Variants in IL23R observed in about 807,000 individuals in gnomAD.
IL23R encodes interleukin-23 receptor.
A neutral mutation model predicts 56.9 loss-of-function variants in IL23R; 34 were observed. That is an observed-to-expected ratio of 0.60 (90% CI 0.45 to 0.80). The LOEUF (loss-of-function observed/expected upper bound fraction) is 0.80. Among genes scored for constraint, IL23R ranks in the 30% least tolerant of loss-of-function variants. The pLI, the probability that IL23R is intolerant of heterozygous loss-of-function variation, is 0.00. For synonymous variants in IL23R, 230 were observed against 249.2 expected, an observed-to-expected ratio of 0.92 and a Z score of 0.73; for missense variants, 635 against 730.0, an observed-to-expected ratio of 0.87 and a Z score of 1.50.
At chr1:67,250,634 G>A (rs903830609) in intron 9 of IL23R, among the ~76,000 whole-genome samples, 2 of 152,146 alleles carry the variant, frequency 1.3e-5, no homozygotes, top group African/African-American at 4.8e-5. Flanking sequence ...GATTACTAAA[G>A]TTACTTGAAC....
In IL23R at chr1:67,207,596, G is replaced by A. The variant is rs573235256; in HGVS notation, c.798+541G>A. 235 of 377,962 alleles carry A rather than the reference G, an allele frequency of 6.2e-4. 2 individuals carry two copies. The highest frequency in any genetic ancestry group is 4.9e-3 in the South Asian group (230 of 46,702). 23.4% of individuals were successfully genotyped at this position (377,962 alleles called of 1,614,324 possible). The stretch of plus-strand genomic sequence containing the variant: ...ACGAGATCTGATGCGTTTATCAGAG[G>A]TTTCCGCTTTTGCTTCTTCCTCATT... On this transcript the variant is annotated intron_variant, in intron 6 of 10. Transcript: ENST00000347310.
At chr1:67,203,951 C>T (rs11580078) in intron 5 of IL23R, among the ~76,000 whole-genome samples, 1 of 152,018 alleles carries the variant, frequency 6.6e-6, no homozygotes, top group South Asian at 2.1e-4. Context: ...TACTTCTCCC[C>T]ATTATATAAA....
intron 1 of IL23R, among the ~76,000 whole-genome samples, chr1:67,148,150 G>A (rs1646696261): frequency 6.6e-6 from 1 of 152,276 alleles, no homozygotes; most frequent in Admixed American, 6.5e-5. Context: ...GCGGCGATGG[G>A]CGCCTCGCTG....
At chr1:67,261,876 C>A (rs971800313), downstream of IL23R, among the ~76,000 whole-genome samples, 3 of 152,116 alleles carry the variant, frequency 2.0e-5, no homozygotes, top group Admixed American at 2.0e-4. Flanking sequence ...CCTTTTCGCC[C>A]CCTAGAGTGG....
At chr1:67,213,181 G>A (rs1649612576) in intron 6 of IL23R, among the ~76,000 whole-genome samples, 1 of 152,112 alleles carries the variant, frequency 6.6e-6, no homozygotes, top group African/African-American at 2.4e-5. Flanking sequence ...TCTTGAGCAT[G>A]TTTCTTATCT....
At chr1:67,194,963 TG>T (rs1648024731) in intron 4 of IL23R, among the ~76,000 whole-genome samples, 1 of 152,266 alleles carries the variant, frequency 6.6e-6, no homozygotes, top group African/African-American at 2.4e-5. Flanking sequence ...GAAATTTTAC[TG>T]GTAAGAAATA....
At chr1:67,223,424 A>C (rs1650427499) in intron 7 of IL23R, among the ~76,000 whole-genome samples, 1 of 152,180 alleles carries the variant, frequency 6.6e-6, no homozygotes, top group African/African-American at 2.4e-5. Context: ...GGATTTATTA[A>C]AGTTTAACAT....
intron 7 of IL23R, among the ~76,000 whole-genome samples, chr1:67,226,128 G>C (rs939359012): frequency 5.3e-5 from 8 of 152,210 alleles, no homozygotes; most frequent in African/African-American, 1.7e-4. Context: ...CGCAGGAGCT[G>C]GGGTGAGCAC....
intron 7 of IL23R, among the ~76,000 whole-genome samples, chr1:67,231,588 T>C (rs12070470): frequency 0.089 from 13,592 of 152,180 alleles, 717 homozygotes; most frequent in Non-Finnish European, 0.11. Context: ...CTGCAGTTGG[T>C]GTTTGAAACC....
intron 1 of IL23R, among the ~76,000 whole-genome samples, chr1:67,145,215 C>T (rs1293357899): frequency 6.6e-6 from 1 of 152,074 alleles, no homozygotes; most frequent in African/African-American, 2.4e-5. Context: ...GGCTTGGTGG[C>T]GGGCACCTGT....
At chr1:67,255,737 C>A (rs1303377907) in intron 9 of IL23R, 100 bp from the exon 10 acceptor site, 2 of 676,624 alleles carry the variant, frequency 3.0e-6, no homozygotes, top group Non-Finnish European at 5.4e-6. Flanking sequence ...CTGTGCCCGA[C>A]CTAGGAAATT....
chr1:67,165,533 T>A (rs1646864986), upstream of IL23R, among the ~76,000 whole-genome samples: 1 of 152,180 alleles, frequency 6.6e-6, no homozygotes, highest in South Asian at 2.1e-4. Flanking sequence ...TCATGAAGCG[T>A]TAGTCAAAAT....
chr1:67,171,217 A>G (rs1358748), intron 3 of IL23R, among the ~76,000 whole-genome samples: 127,397 of 152,118 alleles, frequency 0.84, 53,774 homozygotes, highest in East Asian at 1. Context: ...ACAGTTACAG[A>G]AAAAGCTTAG....
intron 5 of IL23R, among the ~76,000 whole-genome samples, chr1:67,202,043 CT>C (rs1648677682): frequency 6.6e-6 from 1 of 152,092 alleles, no homozygotes; most frequent in African/African-American, 2.4e-5. Flanking sequence ...ACCCTTGAGC[CT>C]TTTACAACTA....
chr1:67,228,201 C>CCTTCCTT (rs1650861398), intron 7 of IL23R, among the ~76,000 whole-genome samples: 2 of 76,298 alleles, frequency 2.6e-5, no homozygotes, highest in Non-Finnish European at 5.5e-5. Flanking sequence ...CTTCCTTCCT[C>CCTTCCTT]CCTTCTTTTT....
chr1:67,157,501 C>G (rs1405420713), intron 1 of IL23R, among the ~76,000 whole-genome samples: 1 of 152,240 alleles, frequency 6.6e-6, no homozygotes, highest in African/African-American at 2.4e-5. Flanking sequence ...CACTACTCTT[C>G]ACTGCAGTTA....
chr1:67,225,699 A>C (rs1246440324), intron 7 of IL23R, among the ~76,000 whole-genome samples: 1 of 151,880 alleles, frequency 6.6e-6, no homozygotes, highest in Non-Finnish European at 1.5e-5. Flanking sequence ...TAGTAGAGAC[A>C]GGGTTTCGTC....
chr1:67,243,038 A>T (rs1367185827), intron 9 of IL23R, among the ~76,000 whole-genome samples: 1 of 152,162 alleles, frequency 6.6e-6, no homozygotes, highest in Non-Finnish European at 1.5e-5. Flanking sequence ...AATTTGGATC[A>T]TTTTATCTTT....
Position 67,206,978 on chromosome 1 carries a change from T to C in IL23R, c.721T>C (p.Tyr241His), listed in dbSNP as rs2102637431. 6 of 1,613,300 alleles carry C rather than the reference T, an allele frequency of 3.7e-6. No homozygotes were observed. In the Admixed American group the frequency reaches 5.0e-5, roughly 13 times the overall value. The stretch of plus-strand genomic sequence containing the variant: ...TGCTACAGTGCCCAAGACCATAATT[T>C]ATTGGGATAGTCAAACAACAATTGA... ...INATVPKTII[Y>H]WDSQTTIEKV... is the part of the protein sequence containing the mutation. The change falls in exon 6 of 11, where the codon TAT becomes CAT. Residue 241 changes from tyrosine to histidine, a missense_variant. Coordinates refer to ENST00000347310, the MANE Select transcript of IL23R (RefSeq NM_144701.3).
Sources: allele counts gnomAD v4.1 joint callset (sites outside exome capture counted in the v4.1 genomes callset), GRCh38; gene constraint gnomAD v4.1.1; transcripts MANE v1.5; gene names NCBI Gene and HGNC (gene_info 2026-07-23, HGNC 2026-07-21).